Variants in GALNT13 observed in about 807,000 individuals in gnomAD.
GALNT13 encodes the protein UDP-GalNAc:polypeptide N-acetylgalactosaminyltransferase 13.
Under a neutral mutation model 64.2 loss-of-function variants are expected in GALNT13, and 28 were observed. The ratio of observed to expected loss-of-function variants is 0.44; its 90% confidence interval spans 0.32 to 0.60. GALNT13 has a LOEUF of 0.60. Ranked by LOEUF, GALNT13 falls within the 20% of genes least tolerant of loss-of-function variation. GALNT13 has a pLI of 0.05. For synonymous variants in GALNT13, 214 were observed against 224.6 expected (o/e 0.95, Z 0.42); for missense variants, 577 against 669.8 (o/e 0.86, Z 1.53).
chr2:153,896,900 A>G (rs1470726356), intron 1 of GALNT13, among the ~76,000 whole-genome samples: 3 of 152,204 alleles, frequency 2.0e-5, no homozygotes, highest in Non-Finnish European at 4.4e-5. Context: ...TTAAATTTTG[A>G]CATACTTTCA....
At chr2:153,870,690 C>A (rs1685866815), upstream of GALNT13, among the ~76,000 whole-genome samples, 1 of 150,932 alleles carries the variant, frequency 6.6e-6, no homozygotes, top group African/African-American at 2.4e-5. Context: ...AAGATAATAT[C>A]TCTGGAAATT....
At chr2:154,033,514 G>T (rs1698470986) in intron 3 of GALNT13, among the ~76,000 whole-genome samples, 1 of 151,638 alleles carries the variant, frequency 6.6e-6, no homozygotes, top group East Asian at 1.9e-4. Context: ...AAATTAACAG[G>T]TACTTCACCA....
intron 4 of GALNT13, among the ~76,000 whole-genome samples, chr2:154,185,437 TC>T (rs1381269826): frequency 2.2e-4 from 33 of 152,154 alleles, no homozygotes; most frequent in African/African-American, 7.7e-4. Context: ...AAATAAGCTT[TC>T]TACACCTTTC....
the GALNT13 span, among the ~76,000 whole-genome samples, chr2:153,110,687 C>A: frequency 6.6e-6 from 1 of 152,056 alleles, no homozygotes; most frequent in Admixed American, 6.6e-5. Context: ...TTACAGCTTT[C>A]ATGTTCTAGG....
the GALNT13 span, among the ~76,000 whole-genome samples, chr2:153,190,305 A>G: frequency 1.3e-5 from 2 of 152,058 alleles, no homozygotes; most frequent in Admixed American, 1.3e-4. Flanking sequence ...GCATATGGAT[A>G]TCCAGTTTTC....
the GALNT13 span, among the ~76,000 whole-genome samples, chr2:153,754,018 C>A: frequency 6.6e-6 from 1 of 152,356 alleles, no homozygotes; most frequent in East Asian, 1.9e-4. Context: ...TGTAAGACTA[C>A]CATCAATGTT....
chr2:153,642,977 A>G, the GALNT13 span, among the ~76,000 whole-genome samples: 1 of 151,654 alleles, frequency 6.6e-6, no homozygotes, highest in African/African-American at 2.4e-5. Context: ...AATTTAAAAA[A>G]GAAAACAAAA....
chr2:153,595,171 T>G, the GALNT13 span, among the ~76,000 whole-genome samples: 1 of 151,862 alleles, frequency 6.6e-6, no homozygotes, highest in Admixed American at 6.6e-5. Flanking sequence ...TGGTAATAAA[T>G]AAAGGTTTAC....
At chr2:154,422,309 C>T (rs1463330064) in intron 11 of GALNT13, among the ~76,000 whole-genome samples, 2 of 152,078 alleles carry the variant, frequency 1.3e-5, no homozygotes, top group Non-Finnish European at 2.9e-5. Context: ...GCTTCTTATT[C>T]ATGTTATTTA....
the GALNT13 span, among the ~76,000 whole-genome samples, chr2:153,828,712 GT>G: frequency 5.9e-5 from 9 of 152,142 alleles, no homozygotes; most frequent in Non-Finnish European, 7.3e-5. Context: ...TGGGCTCCTC[GT>G]TACTTATGCA....
At chr2:153,990,385 T>C (rs968472861) in intron 3 of GALNT13, among the ~76,000 whole-genome samples, 1 of 152,138 alleles carries the variant, frequency 6.6e-6, no homozygotes, top group Non-Finnish European at 1.5e-5. Context: ...TTTCCCACAC[T>C]TAATTATGTG....
intron 4 of GALNT13, among the ~76,000 whole-genome samples, chr2:154,141,601 C>T (rs1404013060): frequency 2.0e-5 from 3 of 152,140 alleles, no homozygotes; most frequent in African/African-American, 7.2e-5. Flanking sequence ...ATGAGACTCT[C>T]ATCATATATG....
the GALNT13 span, among the ~76,000 whole-genome samples, chr2:153,217,988 T>C: frequency 6.6e-6 from 1 of 152,176 alleles, no homozygotes; most frequent in Non-Finnish European, 1.5e-5. Flanking sequence ...AGTGTGGGGA[T>C]TTGAGCCAAT....
At chr2:154,169,214 A>T (rs2105694789) in intron 4 of GALNT13, among the ~76,000 whole-genome samples, 1 of 152,276 alleles carries the variant, frequency 6.6e-6, no homozygotes, top group Middle Eastern at 3.4e-3. Context: ...TCAAATCTCA[A>T]CATGAGTTTT....
chr2:153,120,450 G>A, the GALNT13 span, among the ~76,000 whole-genome samples: 26 of 152,076 alleles, frequency 1.7e-4, no homozygotes, highest in African/African-American at 6.0e-4. Context: ...ACTGTGATTT[G>A]TCTTTAGGCC....
chr2:154,194,988 G>A (rs1016754853), intron 4 of GALNT13, among the ~76,000 whole-genome samples: 7 of 151,258 alleles, frequency 4.6e-5, no homozygotes, highest in Middle Eastern at 3.5e-3. Flanking sequence ...TAAGCCCCAC[G>A]TGCATTAGGT....
rs550416132 is a variant in GALNT13, at chr2:154,318,977, CTAAT to C, written c.1156+17390_1156+17393del. On this transcript the variant is annotated intron_variant, in intron 9 of 12. Transcript: ENST00000392825. The stretch of plus-strand genomic sequence containing the variant: ...CATCCAATGAACTGGTAAGTAAAGA[CTAAT>C]TGAATATTCATTGTACTGGTAAAGT... Among the ~76,000 whole-genome samples the C allele has an allele frequency of 1.4e-4, 22 of 152,088 alleles. No individual in the cohort carries two copies. In the East Asian group the frequency reaches 4.3e-3, roughly 30 times the overall value.
At chr2:153,224,566 G>A in the GALNT13 span, among the ~76,000 whole-genome samples, 24,596 of 151,958 alleles carry the variant, frequency 0.16, 2,078 homozygotes, top group Non-Finnish European at 0.17. Context: ...AAAGCCAAAA[G>A]CTATTTCTAT....
the GALNT13 span, among the ~76,000 whole-genome samples, chr2:153,424,492 A>C: frequency 6.6e-6 from 1 of 151,874 alleles, no homozygotes; most frequent in African/African-American, 2.4e-5. Flanking sequence ...AATTGATAGA[A>C]GAAAGCATAA....
Sources: allele counts gnomAD v4.1 joint callset (sites outside exome capture counted in the v4.1 genomes callset), GRCh38; gene constraint gnomAD v4.1.1; transcripts MANE v1.5; gene names NCBI Gene and HGNC (gene_info 2026-07-23, HGNC 2026-07-21).